The following XPO5 variants were observed in gnomAD, a reference collection of about 807,000 sequenced individuals.
The protein encoded by XPO5 is exportin 5.
In XPO5, 46 loss-of-function variants were observed where a neutral mutation model predicts 160.6. The ratio of observed to expected loss-of-function variants is 0.29; its 90% CI spans 0.23 to 0.37. The LOEUF (loss-of-function observed/expected upper bound fraction) is 0.37. XPO5 is among the 10% of genes least tolerant of loss of function. XPO5 has a pLI of 1.00. For synonymous variants in XPO5, 537 were observed against 519.3 expected, an observed-to-expected ratio of 1.03 and a Z score of -0.46; for missense variants, 1,090 against 1,463.9, an observed-to-expected ratio of 0.74 and a Z score of 4.17.
chr6:43,525,115 G>A lies in XPO5; in HGVS notation c.3166C>T (p.Leu1056Phe). 6.4e-7 allele frequency: 1 copy of A among 1,574,800 alleles called. No individual in the cohort carries two copies. Residue 1056 changes from leucine (L) to phenylalanine (F), a missense_variant, in exon 29 of 32, where the codon CTC becomes TTC. Transcript: ENST00000265351. ...GGGGTGAATAACCATACTTGTTTGA[G>A]GAGAGGCCAGCAGAGCTGTGAGGTT... ...RTTSQLCWPL[L>F]KQVLSGTLLA...
rs1447665913 is a variant in XPO5, at chr6:43,570,029, T to A, written c.621+473A>T. On this transcript the variant is annotated intron_variant, in intron 5 of 31. Coordinates refer to ENST00000265351, the MANE Select transcript of XPO5 (RefSeq NM_020750.3). Reference sequence around the variant, plus strand: ...TTTTTTTTTTTTTTTTTTTTTTTTTTTAAAAAAGGCCAGGTGCCGTGGCTC... The same window carrying A: ...TTTTTTTTTTTTTTTTTTTTTTTTTATAAAAAAGGCCAGGTGCCGTGGCTC... Among the ~76,000 whole-genome samples, 3 of 143,830 alleles carry A rather than the reference T, an allele frequency of 2.1e-5. No individual in the cohort carries two copies. In the East Asian group the frequency reaches 6.0e-4, roughly 29 times the overall value. 94.4% of individuals were successfully genotyped at this position (143,830 alleles called of 152,430 possible). A position where few individuals can be genotyped will look rare whatever the true frequency, so the allele number is the denominator to read the frequency against.
intron 18 of XPO5, 48 bp from the exon 19 acceptor site, chr6:43,547,755 G>A: frequency 6.4e-7 from 1 of 1,557,478 alleles, no homozygotes; most frequent in Non-Finnish European, 8.8e-7. Context: ...CTTTAAACAA[G>A]GACAGTTTCT....
intron 23 of XPO5, among the ~76,000 whole-genome samples, chr6:43,529,890 T>G: frequency 7.7e-6 from 1 of 129,744 alleles, no homozygotes. Context: ...CCTGCCTGGG[T>G]AACACTGAGA....
intron 16 of XPO5, 121 bp from the exon 17 acceptor site, chr6:43,549,699 G>A (rs1161223422): frequency 1.6e-6 from 2 of 1,261,348 alleles, no homozygotes; most frequent in African/African-American, 3.0e-5. Context: ...AACCCTAAGA[G>A]TATAATGGAG....
intron 1 of XPO5, 134 bp from the exon 2 acceptor site, chr6:43,573,735 T>C (rs1354472134): frequency 1.2e-5 from 13 of 1,069,716 alleles, no homozygotes; most frequent in Middle Eastern, 6.1e-4. Context: ...GAGGCTGAGA[T>C]GGGTGGACTA....
Position 43,530,758 on chromosome 6 carries a change from A to G in XPO5, c.2607T>C (p.Ala869=). The G allele has an allele frequency of 4.3e-6, 7 of 1,613,998 alleles. No homozygotes were observed. Among genetic ancestry groups the G allele is most frequent in the Non-Finnish European group, 5.1e-6 (6 of 1,179,886 alleles). ...CAAAGGCTGAGCTGAGAAGCTGGGT[A>G]GCAAGGTCCTCCACAGTATAGAAGT... ...QQDFYTVEDL[A]TQLLSSAFVN... is the part of the protein sequence containing the mutation. Residue 869 remains alanine, a synonymous_variant, in exon 23 of 32, where the codon GCT becomes GCC. Coordinates refer to ENST00000265351, the MANE Select transcript of XPO5 (RefSeq NM_020750.3).
chr6:43,569,854 G>A (rs1762901625), intron 5 of XPO5, among the ~76,000 whole-genome samples: 1 of 151,518 alleles, frequency 6.6e-6, no homozygotes, highest in African/African-American at 2.4e-5. Flanking sequence ...AGAGCAAGGT[G>A]GGTAGACCAC....
Position 43,560,422 on chromosome 6 carries a change from C to A in XPO5, c.1096-119G>T, listed in dbSNP as rs1762358224. ...AATAAATCTGTACAATACTTTGAAG[C>A]TGTCTCTACTGCAATTTATCAGTAA... On this transcript the variant is annotated intron_variant, in intron 10 of 31. Coordinates refer to ENST00000265351, the MANE Select transcript of XPO5 (RefSeq NM_020750.3). The A allele has an allele frequency of 5.6e-6, 7 of 1,242,986 alleles. No homozygotes were observed. In the South Asian group the frequency reaches 1.2e-4, roughly 22 times the overall value. The allele number at this position is 1,242,986 out of a possible 1,614,324, so 77.0% of individuals were successfully genotyped here. A position where few individuals can be genotyped will look rare whatever the true frequency, so the allele number is the denominator to read the frequency against.
intron 15 of XPO5, 23 bp downstream of exon 15, chr6:43,551,275 T>C: frequency 1.3e-6 from 2 of 1,539,542 alleles, no homozygotes; most frequent in African/African-American, 2.8e-5. Flanking sequence ...AAATAAAATT[T>C]ACAAAGGAGA....
At chr6:43,567,031 G>C (rs1360270752) in intron 7 of XPO5, 138 bp downstream of exon 7, 8 of 806,152 alleles carry the variant, frequency 9.9e-6, no homozygotes, top group Middle Eastern at 7.4e-4. Flanking sequence ...TGTCCAAGGG[G>C]GTTGGAAGCA....
chr6:43,549,824 C>T, intron 16 of XPO5, 69 bp downstream of exon 16: 1 of 1,468,986 alleles, frequency 6.8e-7, no homozygotes, highest in Non-Finnish European at 9.3e-7. Context: ...AAAATATAAA[C>T]TGAGTATCAG....
chr6:43,536,822 GA>G (rs1434622592), intron 20 of XPO5, among the ~76,000 whole-genome samples: 1 of 121,992 alleles, frequency 8.2e-6, no homozygotes, highest in Admixed American at 8.3e-5. Flanking sequence ...TAAAACACCT[GA>G]AAATTTTTTC....
chr6:43,549,963 C>T, intron 15 of XPO5, 29 bp from the exon 16 acceptor site: 2 of 1,608,246 alleles, frequency 1.2e-6, no homozygotes, highest in Non-Finnish European at 1.7e-6. Context: ...AAAGGTCACT[C>T]ATGTTTATTT....
At chr6:43,535,283 C>T (rs2127712846) in intron 20 of XPO5, among the ~76,000 whole-genome samples, 1 of 151,742 alleles carries the variant, frequency 6.6e-6, no homozygotes, top group South Asian at 2.1e-4. Context: ...AACAACAAAA[C>T]CCCAAAAAAC....
At chr6:43,550,506 C>G (rs2127731845) in intron 15 of XPO5, among the ~76,000 whole-genome samples, 1 of 152,304 alleles carries the variant, frequency 6.6e-6, no homozygotes, top group South Asian at 2.1e-4. Flanking sequence ...CTCCACTCCT[C>G]CAATGATGGT....
At chr6:43,527,907 T>C (rs1282718418) in intron 25 of XPO5, among the ~76,000 whole-genome samples, 176 bp from the exon 26 acceptor site, 3 of 152,242 alleles carry the variant, frequency 2.0e-5, no homozygotes, top group African/African-American at 7.2e-5. Context: ...CTAGTGACTC[T>C]GTCCAGTTGG....
chr6:43,555,624 G>T (rs1762039236), intron 13 of XPO5: 1 of 432,100 alleles, frequency 2.3e-6, no homozygotes, highest in Non-Finnish European at 3.9e-6. Flanking sequence ...ATAAGGACAT[G>T]GTTTTACCCT....
At chr6:43,534,068 T>G in intron 20 of XPO5, 61 bp from the exon 21 acceptor site, 1 of 1,341,344 alleles carries the variant, frequency 7.5e-7, no homozygotes, top group Non-Finnish European at 1.0e-6. Context: ...AGAGTGGGTT[T>G]TGCTTGTAAT....
chr6:43,541,311 C>A (rs1023218602), intron 20 of XPO5, among the ~76,000 whole-genome samples: 2 of 152,054 alleles, frequency 1.3e-5, no homozygotes, highest in African/African-American at 4.8e-5. Flanking sequence ...GGGATGGATA[C>A]CCCATTTTAA....
Sources: allele counts gnomAD v4.1 joint callset (sites outside exome capture counted in the v4.1 genomes callset), GRCh38; gene constraint gnomAD v4.1.1; transcripts MANE v1.5; gene names NCBI Gene and HGNC (gene_info 2026-07-23, HGNC 2026-07-21).